Variants in RAD54B observed in about 807,000 individuals in gnomAD.
The protein encoded by RAD54B is RAD54 homolog B.
Under a neutral mutation model 95.8 loss-of-function variants are expected in RAD54B, and 78 were observed. The observed-to-expected ratio is 0.81, with a 90% CI of 0.68 to 0.98. RAD54B has a LOEUF of 0.98. RAD54B is among the 50% of genes least tolerant of loss of function. The pLI, the probability that RAD54B is intolerant of heterozygous loss-of-function variation, is 0.00. For missense variants in RAD54B, 957 were observed against 1,056.6 expected, an observed-to-expected ratio of 0.91 and a Z score of 1.31; for synonymous variants, 328 against 354.9, an observed-to-expected ratio of 0.92 and a Z score of 0.85.
intron 12 of RAD54B, among the ~76,000 whole-genome samples, chr8:94,379,036 G>A (rs1377364501): frequency 1.3e-5 from 2 of 152,144 alleles, no homozygotes; most frequent in Non-Finnish European, 2.9e-5. Context: ...GCTCTAGGTG[G>A]ATCCCTGTGG....
At position 94,385,940 on chromosome 8, in the gene RAD54B, C is replaced by T. The variant is rs918450934; in HGVS notation, c.1985+1044G>A. Among the ~76,000 whole-genome samples the T allele has an allele frequency of 3.3e-5, 5 of 152,222 alleles. No individual in the cohort carries two copies. The East Asian group carries it at 9.7e-4, about 29-fold the overall frequency. ...ATGAGGCTGGAAAAGGAGGCATTAA[C>T]CATGTCATGAAGGGTCCTGCCTAAT... On this transcript the variant is annotated intron_variant, in intron 11 of 14. Coordinates refer to ENST00000336148, the MANE Select transcript of RAD54B (RefSeq NM_012415.3).
intron 3 of RAD54B, among the ~76,000 whole-genome samples, chr8:94,412,789 G>C (rs1811558797): frequency 6.6e-6 from 1 of 152,042 alleles, no homozygotes; most frequent in Admixed American, 6.6e-5. Flanking sequence ...TAAAACCGGA[G>C]CATTTACAGA....
intron 11 of RAD54B, among the ~76,000 whole-genome samples, chr8:94,383,559 T>G (rs997479807): frequency 6.6e-6 from 1 of 152,232 alleles, no homozygotes; most frequent in African/African-American, 2.4e-5. Context: ...TACAGTATAC[T>G]GTTATGATTG....
At chr8:94,454,924 A>G (rs191835733) in intron 3 of RAD54B, among the ~76,000 whole-genome samples, 60 of 152,294 alleles carry the variant, frequency 3.9e-4, no homozygotes, top group Non-Finnish European at 2.2e-4. Flanking sequence ...AACTTCTCCA[A>G]TGGGGAAAGA....
intron 3 of RAD54B, chr8:94,431,000 C>A: frequency 1.0e-6 from 1 of 985,340 alleles, no homozygotes; most frequent in Non-Finnish European, 1.2e-6. Flanking sequence ...ACTTCAAACA[C>A]CCATGGTCCC....
intron 3 of RAD54B, among the ~76,000 whole-genome samples, chr8:94,443,432 A>C (rs1812446243): frequency 6.6e-6 from 1 of 152,050 alleles, no homozygotes; most frequent in Admixed American, 6.6e-5. Context: ...TATGTAACAA[A>C]CCTGCATATC....
intron 3 of RAD54B, among the ~76,000 whole-genome samples, chr8:94,416,161 A>G (rs1811658508): frequency 6.6e-6 from 1 of 151,816 alleles, no homozygotes; most frequent in Admixed American, 6.6e-5. Flanking sequence ...TGTGGCACAT[A>G]TATACCATGG....
intron 3 of RAD54B, chr8:94,432,652 T>C (rs1470988430): frequency 6.5e-6 from 10 of 1,530,914 alleles, no homozygotes; most frequent in African/African-American, 5.5e-5. Flanking sequence ...TCATCCAAGT[T>C]TGCACTATAG....
intron 3 of RAD54B, among the ~76,000 whole-genome samples, chr8:94,425,830 C>CT (rs1385324178): frequency 4.1e-5 from 6 of 146,132 alleles, no homozygotes; most frequent in African/African-American, 1.6e-4. Context: ...AAAAAAAAAA[C>CT]CAGTAAACTA....
intron 3 of RAD54B, chr8:94,431,846 T>C (rs1812103548): frequency 1.9e-6 from 2 of 1,070,254 alleles, no homozygotes; most frequent in Non-Finnish European, 2.3e-6. Flanking sequence ...TGTTTGTATA[T>C]GCATTTGTGT....
chr8:94,377,364 C>T (rs1810606821), intron 14 of RAD54B, among the ~76,000 whole-genome samples: 1 of 150,916 alleles, frequency 6.6e-6, no homozygotes, highest in African/African-American at 2.4e-5. Context: ...GAAGAAATCT[C>T]GTCTCTACAA....
intron 6 of RAD54B, among the ~76,000 whole-genome samples, chr8:94,402,442 C>T (rs1258531665): frequency 6.6e-6 from 1 of 151,912 alleles, no homozygotes; most frequent in African/African-American, 2.4e-5. Flanking sequence ...TTAGTAGAGA[C>T]GGGATTTCAC....
intron 3 of RAD54B, among the ~76,000 whole-genome samples, chr8:94,439,682 G>A (rs1812352668): frequency 6.6e-6 from 1 of 151,950 alleles, no homozygotes; most frequent in African/African-American, 2.4e-5. Flanking sequence ...CTCAAGGCGG[G>A]GGCGGGGTGG....
intron 11 of RAD54B, among the ~76,000 whole-genome samples, chr8:94,381,664 A>C (rs2129958997): frequency 6.6e-6 from 1 of 152,346 alleles, no homozygotes; most frequent in Admixed American, 6.5e-5. Flanking sequence ...ACAAAGTTTT[A>C]ACAGGAGAGC....
intron 3 of RAD54B, among the ~76,000 whole-genome samples, chr8:94,452,734 T>C (rs1812689942): frequency 6.6e-6 from 1 of 152,088 alleles, no homozygotes; most frequent in African/African-American, 2.4e-5. Flanking sequence ...CCTGACCTCA[T>C]GATCCACCCA....
chr8:94,461,155 C>A, intron 2 of RAD54B, among the ~76,000 whole-genome samples: 1 of 133,324 alleles, frequency 7.5e-6, no homozygotes, highest in East Asian at 2.3e-4. Flanking sequence ...ATTATAAATA[C>A]TCATCTTTTT....
chr8:94,436,834 A>G (rs1385711940), intron 3 of RAD54B: 1 of 1,542,968 alleles, frequency 6.5e-7, no homozygotes, highest in Non-Finnish European at 8.7e-7. Flanking sequence ...CTTTTCGGAT[A>G]AGGTAAAATT....
intron 11 of RAD54B, among the ~76,000 whole-genome samples, chr8:94,382,056 G>C (rs1337185475): frequency 1.3e-5 from 2 of 150,738 alleles, no homozygotes; most frequent in East Asian, 3.9e-4. Flanking sequence ...GGAGCTTGCA[G>C]TGAGCCGAGA....
intron 3 of RAD54B, among the ~76,000 whole-genome samples, chr8:94,449,034 A>G (rs1168096450): frequency 7.4e-6 from 1 of 134,252 alleles, no homozygotes; most frequent in Admixed American, 7.7e-5. Flanking sequence ...ATGCATATAC[A>G]TACACACATG....
Sources: gnomAD v4.1 joint callset for allele counts (sites outside exome capture counted in the v4.1 genomes callset) on GRCh38, gnomAD v4.1.1 for gene constraint, MANE v1.5 for transcripts, NCBI Gene and HGNC (gene_info 2026-07-23, HGNC 2026-07-21) for gene names.